ZNF155: variants seen among roughly 807,000 people sequenced by gnomAD.
ZNF155 encodes the protein KRAB A domain.
A neutral mutation model predicts 11.9 loss-of-function variants in ZNF155; 15 were observed. That is an observed-to-expected ratio of 1.26 (90% CI 0.84 to 1.94). The LOEUF (loss-of-function observed/expected upper bound fraction) is 1.94. Ranked by LOEUF, ZNF155 falls within the 30% of genes most tolerant of loss-of-function variation. ZNF155 has a pLI of 0.00. For missense variants in ZNF155, 602 were observed against 639.1 expected (o/e 0.94, Z 0.63); for synonymous variants, 212 against 219.9 (o/e 0.96, Z 0.32).
chr19:43,992,798 C>T (rs57166952), intron 4 of ZNF155, among the ~76,000 whole-genome samples: 3 of 152,194 alleles, frequency 2.0e-5, no homozygotes, highest in Non-Finnish European at 2.9e-5. Context: ...CTGTATATTG[C>T]AGAACAGTTT....
At chr19:43,992,653 A>T (rs564256131) in intron 4 of ZNF155, among the ~76,000 whole-genome samples, 1 of 152,342 alleles carries the variant, frequency 6.6e-6, no homozygotes, top group Admixed American at 6.5e-5. Flanking sequence ...TCTACCTTTC[A>T]GGTCCCTTGT....
chr19:43,988,502 C>T lies in ZNF155; in HGVS notation c.-42C>T. The T allele has an allele frequency of 1.3e-6, 2 of 1,585,578 alleles. No individual in the cohort carries two copies. Among genetic ancestry groups the T allele is most frequent in the Non-Finnish European group, 1.7e-6 (2 of 1,163,914 alleles). On this transcript the variant is annotated 5_prime_UTR_variant, in exon 2 of 5. Coordinates refer to ENST00000270014, the MANE Select transcript of ZNF155 (RefSeq NM_198089.3). ...CAGGATTCCTCCTTCATTCAAACTGCATCACCCAGGAGTCTGCAAATTCCC... is the reference window on the plus strand; with the variant it reads ...CAGGATTCCTCCTTCATTCAAACTGTATCACCCAGGAGTCTGCAAATTCCC...
intron 1 of ZNF155, among the ~76,000 whole-genome samples, chr19:43,986,701 G>A (rs1216436432): frequency 1.3e-5 from 2 of 152,012 alleles, no homozygotes; most frequent in Middle Eastern, 3.4e-3. Flanking sequence ...CGCCCACCTC[G>A]GCCTCCCAAA....
intron 1 of ZNF155, among the ~76,000 whole-genome samples, chr19:43,986,681 C>T (rs976033097): frequency 3.3e-5 from 5 of 152,080 alleles, no homozygotes; most frequent in African/African-American, 1.2e-4. Flanking sequence ...GATCTCCTGA[C>T]CTTGTGATCC....
chr19:43,998,256 C>T lies in ZNF155; in HGVS notation c.*782C>T, dbSNP rs528629079. On this transcript the variant is annotated 3_prime_UTR_variant, in exon 5 of 5. Transcript: ENST00000270014. The stretch of plus-strand genomic sequence containing the variant: ...CGGACCCCAGCCTCATACTGGGCAA[C>T]TTATTTGGATCCCCATCTCCACTGT... The T allele has an allele frequency of 3.8e-4, 58 of 152,274 alleles. No homozygotes were observed. The highest frequency in any genetic ancestry group is 1.3e-3 in the African/African-American group (55 of 41,552). 9.4% of individuals were successfully genotyped at this position (152,274 alleles called of 1,614,324 possible). A position where few individuals can be genotyped will look rare whatever the true frequency, so the allele number is the denominator to read the frequency against.
rs567879082 is a variant in ZNF155 at position 43,989,779 on chromosome 19, T to A, written c.15+1221T>A. 2.6e-5 allele frequency among the ~76,000 whole-genome samples: 4 copies of A among 152,270 alleles called. No individual in the cohort carries two copies. In the South Asian group the frequency reaches 8.3e-4, roughly 32 times the overall value. On this transcript the variant is annotated intron_variant, in intron 2 of 4. Transcript: ENST00000270014. ...TTTTGGCAAAAGATGCCTCACACAATGTTACCAGAAGAAATAATGACCTGG... is the reference window on the plus strand; with the variant it reads ...TTTTGGCAAAAGATGCCTCACACAAAGTTACCAGAAGAAATAATGACCTGG...
intron 4 of ZNF155, 59 bp from the exon 5 acceptor site, chr19:43,996,034 T>C: frequency 6.6e-7 from 1 of 1,514,898 alleles, no homozygotes; most frequent in Non-Finnish European, 8.8e-7. Context: ...GTGTGAAACC[T>C]TGAGATCACT....
chr19:43,994,527 A>T (rs941773741), intron 4 of ZNF155, among the ~76,000 whole-genome samples: 1 of 152,250 alleles, frequency 6.6e-6, no homozygotes, highest in Non-Finnish European at 1.5e-5. Context: ...CTTTGCATTC[A>T]ATAATTTTCT....
At chr19:43,988,291 T>G (rs139775108) in intron 1 of ZNF155, among the ~76,000 whole-genome samples, 168 bp from the exon 2 acceptor site, 90 of 152,282 alleles carry the variant, frequency 5.9e-4, no homozygotes, top group African/African-American at 2.1e-3. Flanking sequence ...TTTGGAAACA[T>G]CCTTTAAATT....
chr19:43,996,960 GA>G lies in ZNF155; in HGVS notation c.1104del (p.Glu369LysfsTer20). On this transcript the variant is annotated frameshift_variant, in exon 5 of 5. Coordinates refer to ENST00000270014, the MANE Select transcript of ZNF155 (RefSeq NM_198089.3). LOFTEE classifies it low-confidence loss of function (END_TRUNC). ...TATAAGCATCAGGTGGTCCACACAG[GA>G]GAAAAACCATATAATTGTAAAGAAT... The part of the protein sequence containing the change: ...DFYKHQVVHT[G>X]EKPYNCKECG... The G allele has an allele frequency of 6.2e-7, 1 of 1,610,146 alleles. No individual in the cohort carries two copies.
chr19:43,996,504 G>A lies in ZNF155; in HGVS notation c.647G>A (p.Ser216Asn), dbSNP rs1975871921. 6.2e-7 allele frequency: 1 copy of A among 1,614,080 alleles called. No homozygotes were observed. Among genetic ancestry groups the A allele is most frequent in the Non-Finnish European group, 8.5e-7 (1 of 1,180,042 alleles). The change falls in exon 5 of 5, where the codon AGC (serine) becomes AAC (asparagine). Residue 216 changes from serine to asparagine, a missense_variant. Coordinates refer to ENST00000270014, the MANE Select transcript of ZNF155 (RefSeq NM_198089.3). ...GTGTGTGGCAAGGAATTTAGTCAAA[G>A]CTCACATCTGCAAACTCATCAGAGA... ...CDVCGKEFSQ[S>N]SHLQTHQRVH...
chr19:43,986,135 A>G (rs954055833), intron 1 of ZNF155, among the ~76,000 whole-genome samples: 1 of 152,206 alleles, frequency 6.6e-6, no homozygotes, highest in Admixed American at 6.5e-5. Flanking sequence ...TTGTGGAACC[A>G]TATCATTGTG....
rs780475913 is a variant in ZNF155 at position 43,997,334 on chromosome 19, C to T, written c.1477C>T (p.Leu493Phe). 3.1e-6 allele frequency: 5 copies of T among 1,613,718 alleles called. No homozygotes were observed. In the East Asian group the frequency reaches 6.7e-5, roughly 22 times the overall value. Residue 493 changes from leucine (L) to phenylalanine (F), a missense_variant, in exon 5 of 5, where the codon CTT becomes TTT. Coordinates refer to ENST00000270014, the MANE Select transcript of ZNF155 (RefSeq NM_198089.3). ...CAAATGTGAGGACTGTGGAAAGAGGCTTGTACACAGGACATACCGTAAAGA... is the reference window on the plus strand; with the variant it reads ...CAAATGTGAGGACTGTGGAAAGAGGTTTGTACACAGGACATACCGTAAAGA... ...PFKCEDCGKR[L>F]VHRTYRKDQP...
At chr19:43,994,463 G>A (rs746473368) in intron 4 of ZNF155, among the ~76,000 whole-genome samples, 16 of 152,212 alleles carry the variant, frequency 1.1e-4, no homozygotes, top group Non-Finnish European at 1.5e-4. Context: ...ACATTTTACA[G>A]AGAACTGCTC....
intron 4 of ZNF155, among the ~76,000 whole-genome samples, chr19:43,995,284 G>A (rs778605133): frequency 3.6e-4 from 54 of 151,688 alleles, no homozygotes; most frequent in African/African-American, 1.3e-3. Flanking sequence ...GCTAATTTTT[G>A]TATTTTTAGC....
At position 43,986,447 on chromosome 19, in the gene ZNF155, GTGT is replaced by G. The variant is rs1555760551; in HGVS notation, c.-85-2010_-85-2008del. On this transcript the variant is annotated intron_variant, in intron 1 of 4. Coordinates refer to ENST00000270014, the MANE Select transcript of ZNF155 (RefSeq NM_198089.3). Reference sequence around the variant, plus strand: ...TGCTCATCCAATATTATTCCCATTTGTGTTTTTTTTTTTTTTTTTTTAGACGGA... The same window carrying G: ...TGCTCATCCAATATTATTCCCATTTGTTTTTTTTTTTTTTTTTTAGACGGA... Among the ~76,000 whole-genome samples the G allele has an allele frequency of 3.8e-3, 536 of 142,170 alleles. 5 individuals carry two copies. Among genetic ancestry groups the G allele is most frequent in the Middle Eastern group, 7.2e-3 (2 of 276 alleles). 93.3% of individuals were successfully genotyped at this position (142,170 alleles called of 152,430 possible).
At chr19:43,991,003 TC>T (rs1238562353) in intron 2 of ZNF155, among the ~76,000 whole-genome samples, 1 of 152,112 alleles carries the variant, frequency 6.6e-6, no homozygotes, top group Non-Finnish European at 1.5e-5. Context: ...GACATTATCT[TC>T]CCTAGGAAGG....
chr19:43,991,737 T>C, intron 3 of ZNF155, 63 bp downstream of exon 3: 1 of 1,608,192 alleles, frequency 6.2e-7, no homozygotes, highest in Non-Finnish European at 8.5e-7. Context: ...TACCTTAGAG[T>C]GTTCAAGTTT....
rs142755315 is a variant in ZNF155, at chr19:43,995,896, A to G, written c.236-197A>G. On this transcript the variant is annotated intron_variant, in intron 4 of 4. Transcript: ENST00000270014. ...TTTTTAAATTAAGTCTATTATTTCT[A>G]TCAAGGATTTCACATGTGAGACATG... Among the ~76,000 whole-genome samples the G allele has an allele frequency of 3.4e-3, 522 of 152,340 alleles. 4 individuals carry two copies. Among genetic ancestry groups the G allele is most frequent in the African/African-American group, 0.012 (485 of 41,570 alleles).
Sources: gnomAD v4.1 joint callset for allele counts (sites outside exome capture counted in the v4.1 genomes callset) on GRCh38, gnomAD v4.1.1 for gene constraint, MANE v1.5 for transcripts, NCBI Gene and HGNC (gene_info 2026-07-23, HGNC 2026-07-21) for gene names.